The following TPD52 variants were observed in gnomAD, a reference collection of about 807,000 sequenced individuals.
TPD52 encodes tumor protein D52, also known as prostate and colon associated protein.
A neutral mutation model predicts 31.3 loss-of-function variants in TPD52; 17 were observed. The observed-to-expected ratio is 0.54, with a 90% CI of 0.37 to 0.82. The LOEUF (loss-of-function observed/expected upper bound fraction) is 0.82. TPD52 is among the 40% of genes least tolerant of loss of function. The pLI is 0.00. For synonymous variants in TPD52, 83 were observed against 89.6 expected (o/e 0.93, Z 0.42); for missense variants, 212 against 240.1 (o/e 0.88, Z 0.77).
At chr8:80,138,501 A>G (rs559027270) in intron 1 of TPD52, among the ~76,000 whole-genome samples, 1 of 152,332 alleles carries the variant, frequency 6.6e-6, no homozygotes, top group South Asian at 2.1e-4. Flanking sequence ...TAGATACATT[A>G]TATCTGAGTA....
rs536901453 is a variant in TPD52, at chr8:80,080,652, A to G, written c.20-16059T>C. 107 of 1,309,198 alleles carry G rather than the reference A, an allele frequency of 8.2e-5. 1 individual carries two copies. In the East Asian group the frequency reaches 3.0e-3, roughly 36 times the overall value. 81.1% of individuals were successfully genotyped at this position (1,309,198 alleles called of 1,614,324 possible). On this transcript the variant is annotated intron_variant, in intron 1 of 7. Coordinates refer to ENST00000518937, the MANE Select transcript of TPD52 (RefSeq NM_001025253.3). Reference sequence around the variant, plus strand: ...CACGCCCCTCCTGATAAGCAGACCTATTTAATAAATGATTTATCCTGAGCA... The same window carrying G: ...CACGCCCCTCCTGATAAGCAGACCTGTTTAATAAATGATTTATCCTGAGCA...
intron 1 of TPD52, among the ~76,000 whole-genome samples, chr8:80,166,603 A>C (rs753442066): frequency 4.6e-5 from 7 of 151,868 alleles, no homozygotes; most frequent in Non-Finnish European, 1.0e-4. Context: ...ATATTCAATA[A>C]GAAATTTTGT....
At chr8:80,158,374 G>C (rs997887901) in intron 1 of TPD52, 1 of 152,098 alleles carries the variant, frequency 6.6e-6, no homozygotes, top group Admixed American at 6.6e-5. Context: ...GATAATGGGG[G>C]TGAGGGAGAT....
At chr8:80,168,941 G>A (rs1484486106) in intron 1 of TPD52, among the ~76,000 whole-genome samples, 1 of 152,170 alleles carries the variant, frequency 6.6e-6, no homozygotes, top group African/African-American at 2.4e-5. Flanking sequence ...AAGGCAGGTA[G>A]GCAGGTGGAA....
rs577209318 is a variant in TPD52, at chr8:80,064,366, T to C, written c.135+112A>G. ...GACCTGCTGGAGAAGTAAACACATA[T>C]GCTTTCTCTCCCCTGGAACTAACTA... is the stretch of plus-strand genomic sequence containing the variant. On this transcript the variant is annotated intron_variant, in intron 2 of 7. Transcript: ENST00000518937. 6 of 856,664 alleles carry C rather than the reference T, an allele frequency of 7.0e-6. No homozygotes were observed. In the Admixed American group the frequency reaches 8.4e-5, roughly 12 times the overall value. The allele number at this position is 856,664 out of a possible 1,614,324, so 53.1% of individuals were successfully genotyped here.
intron 1 of TPD52, among the ~76,000 whole-genome samples, chr8:80,101,564 T>C (rs1395037485): frequency 1.3e-5 from 2 of 152,134 alleles, no homozygotes; most frequent in Non-Finnish European, 2.9e-5. Context: ...GGTTTATATT[T>C]GGCTCATGGT....
intron 1 of TPD52, among the ~76,000 whole-genome samples, chr8:80,108,565 CA>C (rs1807290346): frequency 6.6e-6 from 1 of 152,132 alleles, no homozygotes; most frequent in Non-Finnish European, 1.5e-5. Context: ...GCTTCTTCTT[CA>C]AAGATATTCA....
chr8:80,098,309 A>G (rs1165168198), intron 1 of TPD52, among the ~76,000 whole-genome samples: 1 of 152,214 alleles, frequency 6.6e-6, no homozygotes, highest in Non-Finnish European at 1.5e-5. Flanking sequence ...ACTGTGGCCA[A>G]TCTGCCAGAG....
chr8:80,152,538 T>C (rs1273658837), intron 1 of TPD52, among the ~76,000 whole-genome samples: 1 of 152,012 alleles, frequency 6.6e-6, no homozygotes, highest in African/African-American at 2.4e-5. Flanking sequence ...CCTAGCACTT[T>C]GGGAGGCCAA....
intron 1 of TPD52, chr8:80,127,787 A>AACACAC (rs368085372): frequency 8.6e-4 from 120 of 139,528 alleles, no homozygotes; most frequent in South Asian, 7.3e-3. Flanking sequence ...TTTCTAAATA[A>AACACAC]ACACACACAC....
intron 1 of TPD52, among the ~76,000 whole-genome samples, chr8:80,124,961 T>G (rs1463082683): frequency 1.3e-5 from 2 of 152,234 alleles, no homozygotes; most frequent in East Asian, 3.8e-4. Context: ...ACAATAATGT[T>G]TGCTACAATC....
chr8:80,100,421 C>A (rs530453997), intron 1 of TPD52, among the ~76,000 whole-genome samples: 1 of 152,222 alleles, frequency 6.6e-6, no homozygotes, highest in African/African-American at 2.4e-5. Context: ...AAGGCAACAG[C>A]ACCTTCAGCA....
chr8:80,146,918 C>T (rs2131173533), intron 1 of TPD52, among the ~76,000 whole-genome samples: 1 of 152,218 alleles, frequency 6.6e-6, no homozygotes, highest in Middle Eastern at 3.4e-3. Flanking sequence ...AAATGTGGTC[C>T]CTGAACCAGC....
intron 1 of TPD52, among the ~76,000 whole-genome samples, chr8:80,085,682 TAGAG>T (rs763572011): frequency 1.3e-5 from 2 of 151,754 alleles, no homozygotes; most frequent in Non-Finnish European, 1.5e-5. Flanking sequence ...AAGTAATAAA[TAGAG>T]AGAAGGAAGA....
At chr8:80,083,425 C>T (rs536296588) in intron 1 of TPD52, among the ~76,000 whole-genome samples, 227 of 152,236 alleles carry the variant, frequency 1.5e-3, no homozygotes, top group Non-Finnish European at 2.5e-3. Context: ...ATGTCAAGGG[C>T]GGGACCAGGT....
chr8:80,049,567 A>G (rs1342477228), intron 5 of TPD52, among the ~76,000 whole-genome samples: 3 of 152,206 alleles, frequency 2.0e-5, no homozygotes, highest in Non-Finnish European at 4.4e-5. Flanking sequence ...CTAGACTACC[A>G]TGAGTGATTG....
chr8:80,166,541 T>C (rs1015232273), intron 1 of TPD52, among the ~76,000 whole-genome samples: 2 of 151,734 alleles, frequency 1.3e-5, no homozygotes, highest in Non-Finnish European at 2.9e-5. Context: ...CATTAAAGTG[T>C]ATTTTTTAAA....
At chr8:80,123,385 G>A (rs909964955) in intron 1 of TPD52, among the ~76,000 whole-genome samples, 1 of 152,164 alleles carries the variant, frequency 6.6e-6, no homozygotes, top group Non-Finnish European at 1.5e-5. Flanking sequence ...CTCAAGACAA[G>A]GTGGGCGATG....
At chr8:80,100,854 A>G (rs1457104582) in intron 1 of TPD52, among the ~76,000 whole-genome samples, 2 of 152,216 alleles carry the variant, frequency 1.3e-5, no homozygotes, top group Admixed American at 6.5e-5. Context: ...GCCCATCCAC[A>G]TTCGGAGAAG....
Sources: gnomAD v4.1 joint callset for allele counts (sites outside exome capture counted in the v4.1 genomes callset) on GRCh38, gnomAD v4.1.1 for gene constraint, MANE v1.5 for transcripts, NCBI Gene and HGNC (gene_info 2026-07-23, HGNC 2026-07-21) for gene names.